The following SPDYE10 variants were observed in gnomAD, a reference collection of about 807,000 sequenced individuals.
The protein encoded by SPDYE10 is speedy/RINGO cell cycle regulator family member E10.
the SPDYE10 span, among the ~76,000 whole-genome samples, chr7:73,142,772 G>A: frequency 1.7e-3 from 254 of 152,072 alleles, no homozygotes; most frequent in East Asian, 0.041. Flanking sequence ...CCCCATCTCC[G>A]CTATACAAAA....
the SPDYE10 span, among the ~76,000 whole-genome samples, chr7:73,115,469 T>G: frequency 2.0e-5 from 3 of 150,260 alleles, no homozygotes; most frequent in Non-Finnish European, 4.4e-5. Flanking sequence ...ATTGCAGCCT[T>G]CCTTCCTTCC....
the SPDYE10 span, among the ~76,000 whole-genome samples, chr7:73,113,930 G>T: frequency 6.6e-6 from 1 of 151,930 alleles, no homozygotes; most frequent in Admixed American, 6.6e-5. Context: ...GGAGGCTGAG[G>T]CAGGAGAATG....
At chr7:73,111,305 C>G in the SPDYE10 span, among the ~76,000 whole-genome samples, 5 of 141,340 alleles carry the variant, frequency 3.5e-5, no homozygotes, top group Non-Finnish European at 7.7e-5. Flanking sequence ...TGTGCCACTC[C>G]TTCCCCTCCC....
At chr7:73,104,442 A>G in the SPDYE10 span, 3 of 96,858 alleles carry the variant, frequency 3.1e-5, no homozygotes, top group Admixed American at 1.3e-4. Context: ...ACAGCTTTAT[A>G]GAAACAGCAT....
At chr7:73,152,192 T>G in the SPDYE10 span, among the ~76,000 whole-genome samples, 1 of 137,696 alleles carries the variant, frequency 7.3e-6, no homozygotes, top group Non-Finnish European at 1.6e-5. Flanking sequence ...TTTTTGTATT[T>G]TCAGTGGAGA....
At chr7:73,137,516 C>CA in the SPDYE10 span, among the ~76,000 whole-genome samples, 75 of 49,124 alleles carry the variant, frequency 1.5e-3, no homozygotes, top group South Asian at 2.3e-3. Flanking sequence ...AGTGAGACTC[C>CA]AAAAAAAAAA....
the SPDYE10 span, among the ~76,000 whole-genome samples, chr7:73,144,226 CTG>C: frequency 6.7e-6 from 1 of 148,268 alleles, no homozygotes; most frequent in Non-Finnish European, 1.5e-5. Context: ...CAGACTCTCC[CTG>C]CGATATCCTC....
the SPDYE10 span, among the ~76,000 whole-genome samples, chr7:73,124,449 GGA>G: frequency 2.0e-5 from 3 of 150,716 alleles, no homozygotes; most frequent in Admixed American, 2.0e-4. Context: ...TTCAGCCCTG[GGA>G]GAGGGGTCTG....
At chr7:73,113,901 C>G in the SPDYE10 span, among the ~76,000 whole-genome samples, 94 of 152,016 alleles carry the variant, frequency 6.2e-4, no homozygotes, top group African/African-American at 2.1e-3. Flanking sequence ...TTGCGGGCAC[C>G]TGTATTCCCA....
chr7:73,134,545 G>GA, the SPDYE10 span, among the ~76,000 whole-genome samples: 1 of 152,076 alleles, frequency 6.6e-6, no homozygotes, highest in South Asian at 2.1e-4. Flanking sequence ...GAAAAAGAAA[G>GA]AAAGAAAGAA....
the SPDYE10 span, among the ~76,000 whole-genome samples, chr7:73,123,788 C>CCTCTCTCTCTCTCTCT: frequency 0.017 from 1,659 of 97,292 alleles, 49 homozygotes; most frequent in East Asian, 0.027. Flanking sequence ...TCTCTCTCTC[C>CCTCTCTCTCTCTCTCT]CTCTCTCTCT....
chr7:73,116,485 T>TCAGC, the SPDYE10 span, among the ~76,000 whole-genome samples: 15 of 79,288 alleles, frequency 1.9e-4, no homozygotes, highest in Middle Eastern at 9.2e-3. Flanking sequence ...CCTCTGTTGC[T>TCAGC]CAGCCAGGCT....
chr7:73,155,161 CGCGGAGGGG>C, the SPDYE10 span: 1 of 135,176 alleles, frequency 7.4e-6, no homozygotes, highest in Non-Finnish European at 1.6e-5. Flanking sequence ...GCCGGCAGGG[CGCGGAGGGG>C]GCGGGGGCCG....
At chr7:73,113,785 C>G in the SPDYE10 span, among the ~76,000 whole-genome samples, 14 of 151,974 alleles carry the variant, frequency 9.2e-5, no homozygotes, top group East Asian at 1.9e-4. Flanking sequence ...CCTGTAATCC[C>G]AGCACTTTGG....
chr7:73,115,241 T>C, the SPDYE10 span, among the ~76,000 whole-genome samples: 1 of 152,284 alleles, frequency 6.6e-6, no homozygotes, highest in South Asian at 2.1e-4. Flanking sequence ...CTGAACTCCC[T>C]CTTCCACTCT....
chr7:73,137,593 T>TAAA, the SPDYE10 span, among the ~76,000 whole-genome samples: 1 of 70,544 alleles, frequency 1.4e-5, no homozygotes, highest in Non-Finnish European at 2.6e-5. Flanking sequence ...AAAGAAGAGA[T>TAAA]GAAAGAAAGA....
At chr7:73,117,069 G>T in the SPDYE10 span, among the ~76,000 whole-genome samples, 1 of 138,912 alleles carries the variant, frequency 7.2e-6, no homozygotes, top group African/African-American at 2.8e-5. Flanking sequence ...TAATTTTTGG[G>T]TTTTTTTTTT....
the SPDYE10 span, among the ~76,000 whole-genome samples, chr7:73,134,386 G>A: frequency 1.4e-5 from 2 of 146,176 alleles, no homozygotes; most frequent in Non-Finnish European, 1.5e-5. Flanking sequence ...TGGAGGGAGG[G>A]GGGAGGGATA....
chr7:73,123,188 A>G, the SPDYE10 span, among the ~76,000 whole-genome samples: 46 of 152,330 alleles, frequency 3.0e-4, no homozygotes, highest in South Asian at 8.3e-4. Context: ...CCCAGGTGAG[A>G]CATTCGGTCA....
Sources: allele counts gnomAD v4.1 joint callset (sites outside exome capture counted in the v4.1 genomes callset), GRCh38; gene constraint gnomAD v4.1.1; transcripts MANE v1.5; gene names NCBI Gene and HGNC (gene_info 2026-07-23, HGNC 2026-07-21).